Variants in RPL18 observed in about 807,000 individuals in gnomAD.
The protein encoded by RPL18 is ribosomal protein L18, also known as large ribosomal subunit protein eL18.
Under a neutral mutation model 25.0 loss-of-function variants are expected in RPL18, and 4 were observed. The ratio of observed to expected loss-of-function variants is 0.16; its 90% CI spans 0.08 to 0.37. The LOEUF (loss-of-function observed/expected upper bound fraction) is 0.37. Among genes scored for constraint, RPL18 ranks in the 10% least tolerant of loss-of-function variants. The pLI is 1.00. For missense variants in RPL18, 179 were observed against 267.9 expected, an observed-to-expected ratio of 0.67 and a Z score of 2.32; for synonymous variants, 129 against 101.6, an observed-to-expected ratio of 1.27 and a Z score of -1.62.
chr19:48,616,934 C>G (rs755963410), intron 3 of RPL18, 110 bp from the exon 4 acceptor site: 1 of 789,308 alleles, frequency 1.3e-6, no homozygotes, highest in South Asian at 1.4e-5. Flanking sequence ...ACCCCCCACT[C>G]ACACCACACC....
intron 3 of RPL18, 183 bp from the exon 4 acceptor site, chr19:48,617,007 T>C (rs763543530): frequency 1.5e-6 from 1 of 689,642 alleles, no homozygotes; most frequent in African/African-American, 1.8e-5. Flanking sequence ...AAAAAAAAAA[T>C]GCAGACTGTT....
intron 1 of RPL18, 26 bp downstream of exon 1, chr19:48,619,115 C>T: frequency 6.3e-7 from 1 of 1,598,604 alleles, no homozygotes; most frequent in Admixed American, 1.7e-5. Context: ...GATTATCCAG[C>T]CCCGAACGCC....
In RPL18 at chr19:48,616,845, C is replaced by T. The variant is rs747899012; in HGVS notation, c.199-21G>A. 10 of 1,574,868 alleles carry T rather than the reference C, an allele frequency of 6.3e-6. No individual in the cohort carries two copies. In the Middle Eastern group the frequency reaches 5.8e-4, roughly 92 times the overall value. ...CGGATCTTAGGGTGGGGAGGATGTA[C>T]GTCGTAAGTTGTTCTGGTGTTTACA... On this transcript the variant is annotated intron_variant, in intron 3 of 6. Coordinates refer to ENST00000549920, the MANE Select transcript of RPL18 (RefSeq NM_000979.4).
chr19:48,616,351 G>C, intron 4 of RPL18, 149 bp from the exon 5 acceptor site: 1 of 912,666 alleles, frequency 1.1e-6, no homozygotes, highest in Non-Finnish European at 1.6e-6. Flanking sequence ...GACAGCAGCA[G>C]TTCTCAACAC....
intron 1 of RPL18, 198 bp downstream of exon 1, chr19:48,618,943 G>A (rs1042440881): frequency 8.3e-6 from 5 of 599,594 alleles, no homozygotes; most frequent in Non-Finnish European, 8.9e-6. Flanking sequence ...CCTCCACTTG[G>A]TCATCTACTA....
rs1292891010 is a variant in RPL18, at chr19:48,617,406, G to A, written c.108C>T (p.Ala36=). ...RLLVKLYRFL[A]RRTNSTFNQV... ...GGTTGAATGTGGAGTTGGTTCTTCT[G>A]GCCAGAAACCTGTATAACTGGAGGG... Residue 36 remains alanine, a synonymous_variant, in exon 3 of 7, where the codon GCC becomes GCT. Coordinates refer to ENST00000549920, the MANE Select transcript of RPL18 (RefSeq NM_000979.4). 6.2e-7 allele frequency: 1 copy of A among 1,614,056 alleles called. No individual in the cohort carries two copies. The highest frequency in any genetic ancestry group is 8.5e-7 in the Non-Finnish European group (1 of 1,179,922).
intron 1 of RPL18, 49 bp from the exon 2 acceptor site, chr19:48,617,926 C>G (rs1974232503): frequency 1.5e-6 from 2 of 1,349,896 alleles, no homozygotes; most frequent in South Asian, 2.3e-5. Flanking sequence ...CCAACCATAG[C>G]CAATTATTAC....
intron 1 of RPL18, 197 bp from the exon 2 acceptor site, chr19:48,618,074 A>AT: frequency 1.9e-6 from 1 of 525,556 alleles, no homozygotes; most frequent in Admixed American, 3.4e-5. Context: ...CCTTCAGCCC[A>AT]TGGCACACAG....
intron 6 of RPL18, 143 bp downstream of exon 6, chr19:48,615,734 G>T: frequency 1.3e-6 from 1 of 754,100 alleles, no homozygotes. Flanking sequence ...GAAGGGAAAA[G>T]CAGGCAGGAT....
intron 3 of RPL18, 196 bp from the exon 4 acceptor site, chr19:48,617,020 A>C (rs541138910): frequency 2.7e-5 from 19 of 703,202 alleles, no homozygotes; most frequent in South Asian, 2.7e-4. Context: ...AGACTGTTCA[A>C]TAGGGCCTCC....
chr19:48,616,056 C>G, intron 5 of RPL18, 23 bp downstream of exon 5: 1 of 1,614,132 alleles, frequency 6.2e-7, no homozygotes, highest in Non-Finnish European at 8.5e-7. Flanking sequence ...TCAGTCCAAA[C>G]CCGTCGACCA....
chr19:48,616,047 C>T (rs1322863640), intron 5 of RPL18, 32 bp downstream of exon 5: 2 of 1,613,860 alleles, frequency 1.2e-6, no homozygotes, highest in Non-Finnish European at 1.7e-6. Flanking sequence ...CCACACAGCT[C>T]AGTCCAAACC....
intron 1 of RPL18, 184 bp from the exon 2 acceptor site, chr19:48,618,061 A>C: frequency 1.8e-6 from 1 of 559,150 alleles, no homozygotes. Context: ...GCTGTTTACA[A>C]AGCCTTCAGC....
intron 5 of RPL18, 58 bp downstream of exon 5, chr19:48,616,021 T>G (rs1267420020): frequency 6.2e-7 from 1 of 1,613,362 alleles, no homozygotes; most frequent in Non-Finnish European, 8.5e-7. Context: ...TCCAGGAGGG[T>G]GAAGGCTGCC....
At chr19:48,617,292 G>C (rs776137330) in intron 3 of RPL18, 24 bp downstream of exon 3, 1 of 1,581,018 alleles carries the variant, frequency 6.3e-7, no homozygotes, top group Non-Finnish European at 8.7e-7. Context: ...CAGGTCTACC[G>C]TGCTCTCTGG....
In RPL18 at chr19:48,618,159, G is replaced by C. The variant is rs575788290; in HGVS notation, c.4-282C>G. ...GTCAATTCTTTACAACTTGTATTTT[G>C]CAACAATGTTATCAAAACTGGTTCC... On this transcript the variant is annotated intron_variant, in intron 1 of 6. Transcript: ENST00000549920. 2.8e-5 allele frequency: 8 copies of C among 289,674 alleles called. No individual in the cohort carries two copies. In the Admixed American group the frequency reaches 3.9e-4, roughly 14 times the overall value. The allele number at this position is 289,674 out of a possible 1,614,324, so 17.9% of individuals were successfully genotyped here.
intron 6 of RPL18, 33 bp downstream of exon 6, chr19:48,615,844 G>A (rs1473632991): frequency 5.1e-6 from 8 of 1,575,278 alleles, no homozygotes; most frequent in Admixed American, 1.8e-5. Context: ...GCTGAGTCTG[G>A]GGAGAGGGCA....
rs1974207741 is a variant in RPL18 at position 48,617,438 on chromosome 19, A to G, written c.91-15T>C. ...AACCTGTATAACTGGAGGGACGGGA[A>G]GACAGTGAGAAGCTGGGACAGCCTG... On this transcript the variant is annotated splice_polypyrimidine_tract_variant and intron_variant, in intron 2 of 6. Coordinates refer to ENST00000549920, the MANE Select transcript of RPL18 (RefSeq NM_000979.4). 4.4e-6 allele frequency: 7 copies of G among 1,591,890 alleles called. 1 individual carries two copies. The African/African-American group carries it at 9.4e-5, about 21-fold the overall frequency.
intron 1 of RPL18, 46 bp from the exon 2 acceptor site, chr19:48,617,923 T>C (rs1358706410): frequency 2.2e-6 from 3 of 1,365,370 alleles, no homozygotes; most frequent in South Asian, 1.2e-5. Context: ...CCCCCAACCA[T>C]AGCCAATTAT....
Sources: gnomAD v4.1 joint callset for allele counts on GRCh38, gnomAD v4.1.1 for gene constraint, MANE v1.5 for transcripts, NCBI Gene and HGNC (gene_info 2026-07-23, HGNC 2026-07-21) for gene names.